The following TIAM1 variants were observed in gnomAD, a reference collection of about 807,000 sequenced individuals.
The protein encoded by TIAM1 is TIAM Rac1 associated GEF 1.
Under a neutral mutation model 163.5 loss-of-function variants are expected in TIAM1, and 65 were observed. The observed-to-expected ratio is 0.40, with a 90% CI of 0.33 to 0.49. TIAM1 has a LOEUF of 0.49. Ranked by LOEUF, TIAM1 falls within the 20% of genes least tolerant of loss-of-function variation. The pLI, the probability that TIAM1 is intolerant of heterozygous loss-of-function variation, is 0.77. For missense variants in TIAM1, 1,789 were observed against 2,044.7 expected (o/e 0.87, Z 2.41); for synonymous variants, 833 against 810.1 (o/e 1.03, Z -0.48).
Position 31,421,010 on chromosome 21 carries a change from T to C in TIAM1, c.-369+42973A>G, listed in dbSNP as rs1457571838. On this transcript the variant is annotated intron_variant, in intron 2 of 28. Coordinates refer to the TIAM1 transcript ENST00000286827. Reference sequence around the variant, plus strand: ...GGTGGCGGGTGCCTGTAATCCCAGCTACTTCGGAGGCTGAGGCAGGGGAAT... The same window carrying C: ...GGTGGCGGGTGCCTGTAATCCCAGCCACTTCGGAGGCTGAGGCAGGGGAAT... 5.9e-5 allele frequency among the ~76,000 whole-genome samples: 9 copies of C among 151,682 alleles called. No individual in the cohort carries two copies. The East Asian group carries it at 1.6e-3, about 26-fold the overall frequency.
At chr21:31,143,531 T>G (rs1266087692) in intron 20 of TIAM1, among the ~76,000 whole-genome samples, 3 of 151,620 alleles carry the variant, frequency 2.0e-5, no homozygotes, top group Non-Finnish European at 2.9e-5. Context: ...TTTAATGATA[T>G]ATATTTTTTA....
chr21:31,440,137 A>C (rs766702347), intron 2 of TIAM1, among the ~76,000 whole-genome samples: 6 of 152,236 alleles, frequency 3.9e-5, no homozygotes, highest in Non-Finnish European at 7.3e-5. Context: ...GTATTCTACA[A>C]ACGTTAGCTA....
At chr21:31,279,780 C>G (rs2073461912) in intron 2 of TIAM1, among the ~76,000 whole-genome samples, 1 of 152,184 alleles carries the variant, frequency 6.6e-6, no homozygotes, top group East Asian at 1.9e-4. Context: ...ATTATTTCCA[C>G]TACTATTTAA....
chr21:31,298,799 T>TGAGAGA (rs72318608), intron 2 of TIAM1, among the ~76,000 whole-genome samples: 9 of 129,968 alleles, frequency 6.9e-5, no homozygotes, highest in Admixed American at 1.6e-4. Flanking sequence ...AAAAAAACAA[T>TGAGAGA]GAGAGAGAGA....
intron 2 of TIAM1, among the ~76,000 whole-genome samples, chr21:31,386,187 T>C (rs1463007492): frequency 6.6e-6 from 1 of 152,026 alleles, no homozygotes; most frequent in Admixed American, 6.6e-5. Context: ...GGGGCTGTGA[T>C]GAAATGGGGC....
At chr21:31,348,145 C>T (rs2076179139), upstream of TIAM1, among the ~76,000 whole-genome samples, 1 of 152,138 alleles carries the variant, frequency 6.6e-6, no homozygotes, top group African/African-American at 2.4e-5. Context: ...TTTAAAATTC[C>T]TTTCAAATTG....
chr21:31,127,285 T>A (rs1168669515), intron 25 of TIAM1, 133 bp from the exon 26 acceptor site: 2 of 775,104 alleles, frequency 2.6e-6, no homozygotes, highest in African/African-American at 3.5e-5. Flanking sequence ...GATATTTTCC[T>A]ACTATTTCAC....
At chr21:31,403,177 T>C (rs1369347380) in intron 2 of TIAM1, among the ~76,000 whole-genome samples, 1 of 152,192 alleles carries the variant, frequency 6.6e-6, no homozygotes. Context: ...AGACAGAGTC[T>C]TGCTCTGTCA....
chr21:31,172,414 TG>T (rs2084557507), intron 15 of TIAM1, among the ~76,000 whole-genome samples: 1 of 152,198 alleles, frequency 6.6e-6, no homozygotes, highest in African/African-American at 2.4e-5. Flanking sequence ...TGACAGAAAT[TG>T]GAGGAATTAT....
chr21:31,214,379 TAAAAG>T (rs2087059677), intron 9 of TIAM1, among the ~76,000 whole-genome samples: 2 of 151,350 alleles, frequency 1.3e-5, no homozygotes, highest in African/African-American at 2.4e-5. Flanking sequence ...AAAATATAAA[TAAAAG>T]AAAAGAAACT....
intron 16 of TIAM1, among the ~76,000 whole-genome samples, chr21:31,160,043 G>A (rs996653015): frequency 2.6e-5 from 4 of 152,288 alleles, no homozygotes; most frequent in Admixed American, 1.3e-4. Flanking sequence ...CCGATCACTC[G>A]GACAGCCCGT....
chr21:31,416,375 G>A (rs1307551941), intron 2 of TIAM1, among the ~76,000 whole-genome samples: 1 of 152,082 alleles, frequency 6.6e-6, no homozygotes, highest in Non-Finnish European at 1.5e-5. Context: ...TGGTTACATG[G>A]ATAAGTTCTT....
At chr21:31,497,569 G>A (rs1381446883) in intron 1 of TIAM1, among the ~76,000 whole-genome samples, 1 of 152,222 alleles carries the variant, frequency 6.6e-6, no homozygotes, top group East Asian at 1.9e-4. Context: ...GTTGGAGATG[G>A]AGTGGAATGG....
At chr21:31,409,833 G>A (rs2077314835) in intron 2 of TIAM1, among the ~76,000 whole-genome samples, 1 of 151,938 alleles carries the variant, frequency 6.6e-6, no homozygotes, top group Non-Finnish European at 1.5e-5. Flanking sequence ...TTCTAACCCT[G>A]TCCCCAAAAG....
At chr21:31,217,041 T>G (rs1440476403) in intron 9 of TIAM1, among the ~76,000 whole-genome samples, 1 of 152,010 alleles carries the variant, frequency 6.6e-6, no homozygotes, top group Non-Finnish European at 1.5e-5. Flanking sequence ...ACCCCATCTC[T>G]ACTAAAAACA....
chr21:31,150,429 T>C (rs906965589), intron 19 of TIAM1, among the ~76,000 whole-genome samples: 1 of 152,114 alleles, frequency 6.6e-6, no homozygotes, highest in African/African-American at 2.4e-5. Context: ...TATACACATA[T>C]GAACAGCTCA....
intron 15 of TIAM1, among the ~76,000 whole-genome samples, chr21:31,176,737 A>G (rs1331548309): frequency 6.6e-6 from 1 of 152,162 alleles, no homozygotes; most frequent in African/African-American, 2.4e-5. Flanking sequence ...TAAAATTCCA[A>G]TTATCTTATG....
At chr21:31,129,310 G>A (rs1382773621) in intron 25 of TIAM1, among the ~76,000 whole-genome samples, 3 of 152,242 alleles carry the variant, frequency 2.0e-5, no homozygotes, top group Admixed American at 6.5e-5. Flanking sequence ...TTCAAGCATC[G>A]TCTAATTATA....
chr21:31,165,779 TA>T (rs1361033507), intron 15 of TIAM1, among the ~76,000 whole-genome samples: 5 of 152,240 alleles, frequency 3.3e-5, no homozygotes, highest in Middle Eastern at 3.4e-3. Flanking sequence ...AATAATTAAA[TA>T]AGCCATACTG....
Sources: gnomAD v4.1 joint callset for allele counts (sites outside exome capture counted in the v4.1 genomes callset) on GRCh38, gnomAD v4.1.1 for gene constraint, MANE v1.5 for transcripts, NCBI Gene and HGNC (gene_info 2026-07-23, HGNC 2026-07-21) for gene names.